The following ALDH1A2 variants were observed in gnomAD, a reference collection of about 807,000 sequenced individuals.
ALDH1A2 encodes aldehyde dehydrogenase 1 family member A2, also known as retinal dehydrogenase 2.
A neutral mutation model predicts 60.3 loss-of-function variants in ALDH1A2; 27 were observed. The ratio of observed to expected loss-of-function variants is 0.45; its 90% CI spans 0.33 to 0.62. The LOEUF is 0.62. Among genes scored for constraint, ALDH1A2 ranks in the 20% least tolerant of loss-of-function variants. ALDH1A2 has a pLI of 0.02. For synonymous variants in ALDH1A2, 289 were observed against 232.4 expected, an observed-to-expected ratio of 1.24 and a Z score of -2.21; for missense variants, 581 against 643.8, an observed-to-expected ratio of 0.90 and a Z score of 1.06.
intron 1 of ALDH1A2, among the ~76,000 whole-genome samples, chr15:58,062,618 C>A (rs186993598): frequency 6.6e-6 from 1 of 152,146 alleles, no homozygotes; most frequent in African/African-American, 2.4e-5. Context: ...CAAAGGAGAG[C>A]GCATTCTCTT....
chr15:57,991,306 G>C (rs1595647154), intron 7 of ALDH1A2: 1 of 151,748 alleles, frequency 6.6e-6, no homozygotes, highest in Non-Finnish European at 1.5e-5. Context: ...CTCACATTTT[G>C]GTTTAAATAT....
At chr15:57,992,465 G>C (rs2140490827) in intron 7 of ALDH1A2, among the ~76,000 whole-genome samples, 1 of 152,188 alleles carries the variant, frequency 6.6e-6, no homozygotes, top group South Asian at 2.1e-4. Context: ...CCACCTTCTG[G>C]GATAGTTCTT....
In ALDH1A2 at chr15:57,964,004, C is replaced by A; in HGVS notation, c.967G>T (p.Gly323Cys). 1 of 1,614,192 alleles carries A rather than the reference C, an allele frequency of 6.2e-7. No homozygotes were observed. Among genetic ancestry groups the A allele is most frequent in the East Asian group, 2.2e-5 (1 of 44,874 alleles). ...GACTCCTCCACGAAGATGCGAGAGC[C>A]TGCAGTGCAGCACTGACCTTGATTG... ...FFNQGQCCTA[G>C]SRIFVEESIY... Residue 323 changes from glycine to cysteine, a missense_variant, in exon 9 of 13, where the codon GGC becomes TGC. Around this residue, in one of 2 missense-constraint regions of ALDH1A2, gnomAD observed 375 missense variants for 469.7 expected, o/e 0.80. Coordinates refer to ENST00000249750, the MANE Select transcript of ALDH1A2 (RefSeq NM_003888.4).
chr15:57,962,254 C>T, intron 9 of ALDH1A2, 78 bp from the exon 10 acceptor site: 1 of 1,549,760 alleles, frequency 6.5e-7, no homozygotes, highest in South Asian at 1.1e-5. Context: ...GAGAATCTTT[C>T]ATTTTAGGGT....
chr15:58,019,100 G>A (rs1035511205), intron 1 of ALDH1A2, among the ~76,000 whole-genome samples: 6 of 151,910 alleles, frequency 3.9e-5, no homozygotes, highest in African/African-American at 1.5e-4. Context: ...AGAAATTTTT[G>A]CACTATTTTT....
chr15:58,015,260 A>T (rs536995366), intron 1 of ALDH1A2, among the ~76,000 whole-genome samples: 1 of 152,196 alleles, frequency 6.6e-6, no homozygotes, highest in South Asian at 2.1e-4. Flanking sequence ...TTAAAAAATA[A>T]TCAGAGATGA....
At chr15:57,975,656 T>C (rs1433104448) in intron 7 of ALDH1A2, among the ~76,000 whole-genome samples, 1 of 152,020 alleles carries the variant, frequency 6.6e-6, no homozygotes, top group African/African-American at 2.4e-5. Flanking sequence ...TACTTGGCAA[T>C]AAAAAAGAAC....
chr15:58,053,527 T>G (rs1007761107), intron 1 of ALDH1A2, among the ~76,000 whole-genome samples: 2 of 152,180 alleles, frequency 1.3e-5, no homozygotes, highest in Non-Finnish European at 2.9e-5. Context: ...TGGTTTGTTT[T>G]TTGGCTAAGT....
At chr15:57,972,827 A>G (rs1022167054) in intron 7 of ALDH1A2, among the ~76,000 whole-genome samples, 3 of 152,174 alleles carry the variant, frequency 2.0e-5, no homozygotes, top group Non-Finnish European at 4.4e-5. Context: ...GACTCACACA[A>G]CCTTAGAAAA....
chr15:58,024,805 T>C (rs540586243), intron 1 of ALDH1A2, among the ~76,000 whole-genome samples: 144 of 152,174 alleles, frequency 9.5e-4, no homozygotes, highest in African/African-American at 3.3e-3. Context: ...ACAAAATAAA[T>C]CTCAGCAATT....
intron 1 of ALDH1A2, among the ~76,000 whole-genome samples, chr15:58,034,431 A>C (rs1896324314): frequency 6.6e-6 from 1 of 151,686 alleles, no homozygotes; most frequent in African/African-American, 2.4e-5. Context: ...GTGAAAAAAG[A>C]CATTTTTCCT....
rs752281062 is a variant in ALDH1A2 at position 57,964,274 on chromosome 15, C to A, written c.902-205G>T. The A allele has an allele frequency of 8.1e-5, 48 of 589,856 alleles. 1 individual carries two copies. Among genetic ancestry groups the A allele is most frequent in the South Asian group, 2.0e-4 (10 of 50,054 alleles). 36.5% of individuals were successfully genotyped at this position (589,856 alleles called of 1,614,324 possible). ...CTTGAACAACTTCACTTCTTTGGGT[C>A]TCTTTCTTATTCTGCAAACAGAGGT... is the stretch of plus-strand genomic sequence containing the variant. On this transcript the variant is annotated intron_variant, in intron 8 of 12. Coordinates refer to ENST00000249750, the MANE Select transcript of ALDH1A2 (RefSeq NM_003888.4).
intron 7 of ALDH1A2, among the ~76,000 whole-genome samples, chr15:57,977,229 T>C (rs75519225): frequency 1.4e-3 from 215 of 152,302 alleles, no homozygotes; most frequent in African/African-American, 4.9e-3. Flanking sequence ...ATAGTTTCTT[T>C]TGCTGTGCAC....
intron 7 of ALDH1A2, among the ~76,000 whole-genome samples, chr15:57,971,414 T>TA (rs1347034984): frequency 2.6e-5 from 4 of 152,122 alleles, no homozygotes; most frequent in African/African-American, 9.7e-5. Context: ...GACTGACTTT[T>TA]AAAAAAATAT....
rs146522018 is a variant in ALDH1A2 at position 58,049,533 on chromosome 15, T to G, written c.117+16001A>C. 7.6e-4 allele frequency among the ~76,000 whole-genome samples: 116 copies of G among 152,216 alleles called. 1 individual carries two copies. In the East Asian group the frequency reaches 0.02, roughly 26 times the overall value. On this transcript the variant is annotated intron_variant, in intron 1 of 12. Coordinates refer to ENST00000249750, the MANE Select transcript of ALDH1A2 (RefSeq NM_003888.4). Reference sequence around the variant, plus strand: ...TGAGTACTCTTAAAAAGCTAGTCACTCCTTGTTCTGTCTGAGTATTCGTTC... The same window carrying G: ...TGAGTACTCTTAAAAAGCTAGTCACGCCTTGTTCTGTCTGAGTATTCGTTC...
chr15:58,053,489 T>A (rs1369118770), intron 1 of ALDH1A2, among the ~76,000 whole-genome samples: 1 of 152,160 alleles, frequency 6.6e-6, no homozygotes, highest in East Asian at 1.9e-4. Flanking sequence ...TTAGTGACTT[T>A]GCAAGCATTC....
chr15:57,993,339 CTTCT>C (rs1302936145), intron 5 of ALDH1A2, among the ~76,000 whole-genome samples: 3 of 152,104 alleles, frequency 2.0e-5, no homozygotes, highest in Non-Finnish European at 2.9e-5. Flanking sequence ...AGTTTTGTTA[CTTCT>C]TTGTTTTGTT....
intron 7 of ALDH1A2, among the ~76,000 whole-genome samples, chr15:57,987,728 C>CA (rs1566939041): frequency 6.6e-6 from 1 of 151,542 alleles, no homozygotes; most frequent in South Asian, 2.1e-4. Flanking sequence ...AAAATAAATA[C>CA]AAAAAAATTA....
chr15:57,971,173 A>G (rs1219464511), intron 7 of ALDH1A2, among the ~76,000 whole-genome samples: 3 of 152,224 alleles, frequency 2.0e-5, no homozygotes, highest in African/African-American at 7.2e-5. Flanking sequence ...CCTTTCTGGA[A>G]CATGCCTGTG....
Sources: gnomAD v4.1 joint callset for allele counts (sites outside exome capture counted in the v4.1 genomes callset) on GRCh38, gnomAD v4.1.1 for gene constraint, gnomAD v4.1.1 regional missense constraint, MANE v1.5 for transcripts, NCBI Gene and HGNC (gene_info 2026-07-23, HGNC 2026-07-21) for gene names.